PCM1: variants seen among roughly 807,000 people sequenced by gnomAD.
PCM1 encodes pericentriolar material 1.
A neutral mutation model predicts 241.9 loss-of-function variants in PCM1; 157 were observed. The observed-to-expected ratio is 0.65, with a 90% CI of 0.57 to 0.74. PCM1 has a LOEUF of 0.74. PCM1 is among the 30% of genes least tolerant of loss of function. The pLI, the probability that PCM1 is intolerant of heterozygous loss-of-function variation, is 0.00. For synonymous variants in PCM1, 1,085 were observed against 784.9 expected, an observed-to-expected ratio of 1.38 and a Z score of -6.39; for missense variants, 3,478 against 2,360.1, an observed-to-expected ratio of 1.47 and a Z score of -9.81.
chr8:18,027,991 A>G lies in PCM1; in HGVS notation c.*329A>G, dbSNP rs561493846. ...CTATAAAGTATCTTTTTTGGAAATTATATTGAATTCTATACAGCAAGTCAA... is the reference window on the plus strand; with the variant it reads ...CTATAAAGTATCTTTTTTGGAAATTGTATTGAATTCTATACAGCAAGTCAA... On this transcript the variant is annotated 3_prime_UTR_variant, in exon 39 of 39. Transcript: ENST00000325083. The G allele has an allele frequency of 2.6e-5, 7 of 264,460 alleles. No individual in the cohort carries two copies. The highest frequency in any genetic ancestry group is 4.3e-5 in the African/African-American group (2 of 46,164). 16.4% of individuals were successfully genotyped at this position (264,460 alleles called of 1,614,324 possible).
At chr8:17,948,341 G>A in intron 7 of PCM1, among the ~76,000 whole-genome samples, 1 of 93,342 alleles carries the variant, frequency 1.1e-5, no homozygotes, top group South Asian at 3.6e-4. Context: ...GTTTTGCTCT[G>A]TTGCCCAGGC....
In PCM1 at chr8:17,991,556, C is replaced by G. The variant is rs1258273982; in HGVS notation, c.4546C>G (p.His1516Asp). 4 of 1,600,892 alleles carry G rather than the reference C, an allele frequency of 2.5e-6. No homozygotes were observed. Among genetic ancestry groups the G allele is most frequent in the Middle Eastern group, 1.7e-4 (1 of 6,044 alleles). The change falls in exon 28 of 39, where the codon CAC (histidine) becomes GAC (aspartate). Residue 1516 changes from histidine (H) to aspartate (D), a missense_variant. Transcript: ENST00000325083. ...TCCAAATGTAGGTAACACCGTGATTCACTTAGATCAAGCATTAGCCAGAAT... is the reference window on the plus strand; with the variant it reads ...TCCAAATGTAGGTAACACCGTGATTGACTTAGATCAAGCATTAGCCAGAAT... The part of the protein sequence containing the change: ...ATDDLGNTVI[H>D]LDQALARMRE...
At position 18,011,212 on chromosome 8, in the gene PCM1, A is replaced by C. The variant is rs766476144; in HGVS notation, c.5221-25A>C. Reference sequence around the variant, plus strand: ...TTTACACATGTACTTTAAGGAATTAATTACTCAAATATTTTTGTGTCTAGG... The same window carrying C: ...TTTACACATGTACTTTAAGGAATTACTTACTCAAATATTTTTGTGTCTAGG... On this transcript the variant is annotated intron_variant, in intron 32 of 38. Coordinates refer to ENST00000325083, the MANE Select transcript of PCM1 (RefSeq NM_006197.4). 2.6e-6 allele frequency: 4 copies of C among 1,551,404 alleles called. No individual in the cohort carries two copies. In the Admixed American group the frequency reaches 7.6e-5, roughly 29 times the overall value.
intron 8 of PCM1, 28 bp from the exon 9 acceptor site, chr8:17,952,942 T>C (rs769015040): frequency 7.2e-7 from 1 of 1,386,276 alleles, no homozygotes; most frequent in South Asian, 1.4e-5. Flanking sequence ...GTCTTAATTC[T>C]TCTTTTTTGT....
chr8:17,981,611 TA>T (rs2080839136), intron 24 of PCM1, among the ~76,000 whole-genome samples: 2 of 152,194 alleles, frequency 1.3e-5, no homozygotes, highest in African/African-American at 4.8e-5. Flanking sequence ...GACATTAGTA[TA>T]AAATGCATGC....
rs745807481 is a variant in PCM1 at position 18,007,063 on chromosome 8, TC to T, written c.4962+669del. On this transcript the variant is annotated intron_variant, in intron 30 of 38. Coordinates refer to ENST00000325083, the MANE Select transcript of PCM1 (RefSeq NM_006197.4). The stretch of plus-strand genomic sequence containing the variant: ...TGTCAACAGTGCCAAGGTTGAGAAA[TC>T]CCATGTTAGTGTTAATAAAATTACC... Among the ~76,000 whole-genome samples the T allele has an allele frequency of 3.9e-5, 6 of 152,304 alleles. No individual in the cohort carries two copies. In the South Asian group the frequency reaches 6.2e-4, roughly 16 times the overall value.
At chr8:17,995,713 C>A (rs1197430605) in intron 29 of PCM1, among the ~76,000 whole-genome samples, 1 of 146,004 alleles carries the variant, frequency 6.8e-6, no homozygotes, top group East Asian at 1.9e-4. Context: ...AATATCTTTC[C>A]CTTTTTGTGT....
rs568961871 is a variant in PCM1 at position 17,956,399 on chromosome 8, A to G, written c.1473-205A>G. Reference sequence around the variant, plus strand: ...CTTACACTTTTGTCCCTAAAACAGCATAAGAAAATAATGTGAGATTTTGAG... The same window carrying G: ...CTTACACTTTTGTCCCTAAAACAGCGTAAGAAAATAATGTGAGATTTTGAG... On this transcript the variant is annotated intron_variant, in intron 10 of 38. Coordinates refer to ENST00000325083, the MANE Select transcript of PCM1 (RefSeq NM_006197.4). Among the ~76,000 whole-genome samples, 11 of 152,322 alleles carry G rather than the reference A, an allele frequency of 7.2e-5. 1 individual carries two copies. Among genetic ancestry groups the G allele is most frequent in the East Asian group, 1.9e-4 (1 of 5,186 alleles).
At chr8:18,009,150 A>AAAAGT (rs1187139875) in intron 30 of PCM1, among the ~76,000 whole-genome samples, 1 of 152,212 alleles carries the variant, frequency 6.6e-6, no homozygotes, top group East Asian at 1.9e-4. Flanking sequence ...TGGAAGCTTT[A>AAAAGT]AAAGTATTCT....
chr8:18,014,217 T>C (rs529725103), intron 35 of PCM1, among the ~76,000 whole-genome samples, 181 bp downstream of exon 35: 11 of 152,258 alleles, frequency 7.2e-5, no homozygotes, highest in Non-Finnish European at 1.3e-4. Context: ...AATTTGTTTC[T>C]ATAAACAATA....
At chr8:17,989,835 T>G (rs2083901628) in intron 26 of PCM1, 24 bp from the exon 27 acceptor site, 2 of 1,465,298 alleles carry the variant, frequency 1.4e-6, no homozygotes, top group South Asian at 2.6e-5. Context: ...ATTAGTGATT[T>G]TTGTTTGTTT....
At chr8:17,956,094 G>A (rs1250473590) in intron 10 of PCM1, 1 of 207,700 alleles carries the variant, frequency 4.8e-6, no homozygotes, top group East Asian at 1.4e-4. Flanking sequence ...ATTAAAAAAC[G>A]TTGGCGCAGT....
intron 29 of PCM1, among the ~76,000 whole-genome samples, chr8:17,998,645 C>T (rs1041007374): frequency 1.3e-5 from 2 of 152,154 alleles, no homozygotes; most frequent in Admixed American, 1.3e-4. Context: ...GGGGCTTGCC[C>T]AAGACCCTCT....
chr8:17,948,294 C>CTTTTT (rs550672840), intron 7 of PCM1, among the ~76,000 whole-genome samples: 4 of 63,950 alleles, frequency 6.3e-5, no homozygotes, highest in African/African-American at 1.9e-4. Context: ...CAAATAACCT[C>CTTTTT]TTTTTTTTTT....
chr8:17,955,813 T>A, intron 10 of PCM1, 160 bp downstream of exon 10: 2 of 636,220 alleles, frequency 3.1e-6, no homozygotes, highest in Non-Finnish European at 5.6e-6. Flanking sequence ...TGTGTGGGCA[T>A]AATTTGAGTT....
At chr8:17,946,317 A>C (rs7829522) in intron 6 of PCM1, among the ~76,000 whole-genome samples, 1 of 152,182 alleles carries the variant, frequency 6.6e-6, no homozygotes, top group African/African-American at 2.4e-5. Context: ...CGAATATAAA[A>C]TTCGTTATTT....
At chr8:18,025,331 T>A in intron 36 of PCM1, 30 bp from the exon 37 acceptor site, 1 of 1,125,748 alleles carries the variant, frequency 8.9e-7, no homozygotes, top group Non-Finnish European at 1.3e-6. Flanking sequence ...GGATCTAGAG[T>A]ATGTATTTTT....
At chr8:18,018,321 A>G (rs895330931) in intron 36 of PCM1, among the ~76,000 whole-genome samples, 7 of 152,204 alleles carry the variant, frequency 4.6e-5, no homozygotes, top group African/African-American at 1.7e-4. Flanking sequence ...GACCTTTCTG[A>G]AGTACCCAGA....
At chr8:17,975,500 GT>G (rs1305321849) in intron 23 of PCM1, among the ~76,000 whole-genome samples, 2 of 152,086 alleles carry the variant, frequency 1.3e-5, no homozygotes, top group Non-Finnish European at 2.9e-5. Context: ...GTAAATAGAG[GT>G]GGGTGGGGAA....
Sources: allele counts gnomAD v4.1 joint callset (sites outside exome capture counted in the v4.1 genomes callset), GRCh38; gene constraint gnomAD v4.1.1; transcripts MANE v1.5; gene names NCBI Gene and HGNC (gene_info 2026-07-23, HGNC 2026-07-21).